Variants in FAAH2 observed in about 807,000 individuals in gnomAD.
FAAH2 encodes the protein fatty-acid amide hydrolase 2.
FAAH2 carries 60 observed loss-of-function variants against 36.9 expected under a neutral mutation model. The ratio of observed to expected loss-of-function variants is 1.63; its 90% CI spans 1.32 to 2.02. FAAH2 has a LOEUF of 2.02. FAAH2 is among the 30% of genes most tolerant of loss of function. The probability of loss-of-function intolerance (pLI) is 0.00; values close to 1 mark genes in which losing one functional copy is unlikely to be tolerated. For missense variants in FAAH2, 689 were observed against 397.5 expected, an observed-to-expected ratio of 1.73 and a Z score of -6.23; for synonymous variants, 214 against 143.8, an observed-to-expected ratio of 1.49 and a Z score of -3.49.
chrX:57,394,914 C>G, intron 7 of FAAH2: 1 of 698,210 alleles, frequency 1.4e-6, no homozygotes, highest in Non-Finnish European at 2.3e-6. Context: ...CCAACCACCA[C>G]AGCATGCCTT....
At position 57,366,207 on chromosome X, in the gene FAAH2, T is replaced by G. The variant is rs145884074; in HGVS notation, c.743-12444T>G. ...TTTAGTTTTTGGAGTTGCTGCCTTTTGGATGAGGCTTTTGCTTTTTTCTTT... is the reference window on the plus strand; with the variant it reads ...TTTAGTTTTTGGAGTTGCTGCCTTTGGGATGAGGCTTTTGCTTTTTTCTTT... On this transcript the variant is annotated intron_variant, in intron 5 of 10. Transcript: ENST00000374900. Among the ~76,000 whole-genome samples the G allele has an allele frequency of 5.7e-3, 634 of 111,886 alleles. 5 individuals carry two copies. The highest frequency in any genetic ancestry group is 0.02 in the African/African-American group (612 of 30,805).
chrX:57,358,499 G>A (rs1421621367), intron 5 of FAAH2, among the ~76,000 whole-genome samples: 2 of 111,179 alleles, frequency 1.8e-5, no homozygotes, highest in South Asian at 3.7e-4. Context: ...TGCATTTATA[G>A]TGCTGCATTT....
At chrX:57,185,578 A>C in the FAAH2 span, among the ~76,000 whole-genome samples, 2 of 108,997 alleles carry the variant, frequency 1.8e-5, no homozygotes, top group African/African-American at 6.7e-5. Context: ...TCTGGGATAC[A>C]TGTGATGAAC....
At chrX:57,160,233 G>A in the FAAH2 span, among the ~76,000 whole-genome samples, 7 of 111,502 alleles carry the variant, frequency 6.3e-5, no homozygotes, top group Admixed American at 4.8e-4. Context: ...TGTTGGCTTC[G>A]GTTTGCCAGT....
At chrX:57,167,108 C>T in the FAAH2 span, among the ~76,000 whole-genome samples, 2 of 111,709 alleles carry the variant, frequency 1.8e-5, no homozygotes, top group African/African-American at 6.5e-5. Flanking sequence ...GTCTGGAAGT[C>T]ACAGGGCCAC....
intron 7 of FAAH2, among the ~76,000 whole-genome samples, chrX:57,390,576 A>AC (rs2055142141): frequency 9.0e-6 from 1 of 111,332 alleles, no homozygotes; most frequent in Non-Finnish European, 1.9e-5. Context: ...CTTATAAGTG[A>AC]GAAACAGACT....
chrX:57,336,968 G>GA (rs1249675200), intron 4 of FAAH2, among the ~76,000 whole-genome samples: 1 of 1,975 alleles, frequency 5.1e-4, no homozygotes, highest in Non-Finnish European at 4.2e-3. Context: ...CTATTCTTTT[G>GA]AAAAAAAAAA....
chrX:57,290,256 G>A (rs2051936890), intron 1 of FAAH2: 1 of 746,283 alleles, frequency 1.3e-6, no homozygotes. Flanking sequence ...GGTAGCAGTG[G>A]CAGTTGAAGA....
the FAAH2 span, among the ~76,000 whole-genome samples, chrX:57,255,428 G>C: frequency 8.0e-4 from 89 of 111,897 alleles, no homozygotes; most frequent in African/African-American, 2.8e-3. Context: ...CAGTTTATGA[G>C]GCCAGCATCA....
the FAAH2 span, among the ~76,000 whole-genome samples, chrX:57,162,111 T>C: frequency 0.41 from 44,546 of 109,445 alleles, 8,751 homozygotes; most frequent in African/African-American, 0.75. Context: ...ATTTCTCCTT[T>C]GCTTATGAAG....
In FAAH2 at chrX:57,385,475, T is replaced by C. The variant is rs1440961678; in HGVS notation, c.996+4446T>C. ...TCAAGGTTCTGGCAGGTTCAGTGTC[T>C]GGTGAGGGCCATCTTACTGCCTTCT... is the stretch of plus-strand genomic sequence containing the variant. On this transcript the variant is annotated intron_variant, in intron 7 of 10. Transcript: ENST00000374900. 9.0e-5 allele frequency among the ~76,000 whole-genome samples: 10 copies of C among 111,258 alleles called. No individual in the cohort carries two copies. In the East Asian group the frequency reaches 2.6e-3, roughly 29 times the overall value.
At chrX:57,270,862 A>G in the FAAH2 span, among the ~76,000 whole-genome samples, 1 of 111,961 alleles carries the variant, frequency 8.9e-6, no homozygotes, top group African/African-American at 3.2e-5. Flanking sequence ...TGCCTACCCC[A>G]CCAAGGCCCT....
the FAAH2 span, among the ~76,000 whole-genome samples, chrX:57,153,239 CTTAAGT>C: frequency 1.8e-5 from 2 of 111,538 alleles, no homozygotes; most frequent in Non-Finnish European, 3.8e-5. Context: ...ATGCCTTTAC[CTTAAGT>C]TTATGTGAGT....
At chrX:57,328,632 T>A (rs1457900900) in intron 3 of FAAH2, among the ~76,000 whole-genome samples, 1 of 112,020 alleles carries the variant, frequency 8.9e-6, no homozygotes, top group Non-Finnish European at 1.9e-5. Context: ...AGGAAAACAC[T>A]CTGATTTTTT....
At chrX:57,309,896 G>A (rs1369072812) in intron 2 of FAAH2, among the ~76,000 whole-genome samples, 2 of 111,808 alleles carry the variant, frequency 1.8e-5, no homozygotes. Flanking sequence ...ACATATGTGT[G>A]CATGTATCTT....
chrX:57,465,121 C>G (rs1351273341), intron 10 of FAAH2, among the ~76,000 whole-genome samples: 3 of 111,252 alleles, frequency 2.7e-5, no homozygotes, highest in Non-Finnish European at 5.7e-5. Context: ...ACTAGAGGAG[C>G]TCAACATTAT....
chrX:57,399,325 G>A (rs2055378314), intron 7 of FAAH2, among the ~76,000 whole-genome samples: 1 of 111,648 alleles, frequency 9.0e-6, no homozygotes, highest in Non-Finnish European at 1.9e-5. Flanking sequence ...GCCATCTGAT[G>A]GGTGCTATCA....
the FAAH2 span, among the ~76,000 whole-genome samples, chrX:57,244,798 A>G: frequency 1.8e-5 from 2 of 111,872 alleles, no homozygotes; most frequent in South Asian, 3.7e-4. Flanking sequence ...AAGACCATGG[A>G]CACTATGAAG....
At chrX:57,447,578 A>G (rs1201041861) in intron 9 of FAAH2, among the ~76,000 whole-genome samples, 1 of 112,349 alleles carries the variant, frequency 8.9e-6, no homozygotes, top group Non-Finnish European at 1.9e-5. Context: ...CCAAACATCA[A>G]TTCTTGATTT....
Sources: gnomAD v4.1 joint callset for allele counts (sites outside exome capture counted in the v4.1 genomes callset) on GRCh38, gnomAD v4.1.1 for gene constraint, MANE v1.5 for transcripts, NCBI Gene and HGNC (gene_info 2026-07-23, HGNC 2026-07-21) for gene names.